GRM3: variants seen among roughly 807,000 people sequenced by gnomAD.
GRM3 encodes glutamate metabotropic receptor 3.
A neutral mutation model predicts 70.5 loss-of-function variants in GRM3; 26 were observed. The observed-to-expected ratio is 0.37, with a 90% CI of 0.27 to 0.51. The LOEUF (loss-of-function observed/expected upper bound fraction) is 0.51. Among genes scored for constraint, GRM3 ranks in the 20% least tolerant of loss-of-function variants. The probability of loss-of-function intolerance (pLI) is 0.93; values close to 1 mark genes in which losing one functional copy is unlikely to be tolerated. For missense variants in GRM3, 859 were observed against 1,123.8 expected (o/e 0.76, Z 3.37); for synonymous variants, 443 against 434.9 (o/e 1.02, Z -0.23).
intron 1 of GRM3, among the ~76,000 whole-genome samples, chr7:86,711,444 T>G (rs997541867): frequency 6.6e-6 from 1 of 152,122 alleles, no homozygotes; most frequent in Non-Finnish European, 1.5e-5. Flanking sequence ...CTAAGCACTT[T>G]TCTACCATTT....
chr7:86,817,541 G>A lies in GRM3; in HGVS notation c.1325-21298G>A, dbSNP rs562159167. Among the ~76,000 whole-genome samples, 15 of 151,930 alleles carry A rather than the reference G, an allele frequency of 9.9e-5. No homozygotes were observed. The South Asian group carries it at 3.1e-3, about 32-fold the overall frequency. ...TGAATGCTATTCAATGAGCTGTTTA[G>A]GGCTAGCTTTTGATCATTTTTCATG... is the stretch of plus-strand genomic sequence containing the variant. On this transcript the variant is annotated intron_variant, in intron 3 of 5. Transcript: ENST00000361669.
rs1334933399 is a variant in GRM3 at position 86,765,432 on chromosome 7, T to TG, written c.289dup (p.Asp97GlyfsTer26). On this transcript the variant is annotated frameshift_variant, in exon 2 of 6. Transcript: ENST00000361669. LOFTEE classifies it high-confidence loss of function. ...GGAGTGAAGTTGGGTGTTCACATTT[T>TG]GGATACATGTTCAAGGGATACCTAT... 1 of 1,613,968 alleles carries TG rather than the reference T, an allele frequency of 6.2e-7. No individual in the cohort carries two copies. The highest frequency in any genetic ancestry group is 8.5e-7 in the Non-Finnish European group (1 of 1,179,890).
At chr7:86,679,648 G>A (rs1048671235) in intron 1 of GRM3, among the ~76,000 whole-genome samples, 9 of 151,890 alleles carry the variant, frequency 5.9e-5, no homozygotes, top group Admixed American at 1.3e-4. Context: ...GGCATCTGCC[G>A]CCCACAACCC....
intron 1 of GRM3, among the ~76,000 whole-genome samples, chr7:86,722,828 A>G (rs1466488028): frequency 6.6e-6 from 1 of 152,158 alleles, no homozygotes; most frequent in Non-Finnish European, 1.5e-5. Flanking sequence ...TTTACGTTGT[A>G]AGAATTCCAT....
intron 1 of GRM3, among the ~76,000 whole-genome samples, chr7:86,691,806 G>A (rs535841913): frequency 3.1e-4 from 47 of 152,192 alleles, no homozygotes; most frequent in African/African-American, 1.1e-3. Context: ...GTCAGATGCT[G>A]GCACCTTGAT....
rs535021331 is a variant in GRM3 at position 86,739,044 on chromosome 7, C to G, written c.-140-25962C>G. ...CCAGGCTGGAGTGCAGTGGTGCCATCTTGGCTCCCTGCAACCTCTGCCTCC... is the reference window on the plus strand; with the variant it reads ...CCAGGCTGGAGTGCAGTGGTGCCATGTTGGCTCCCTGCAACCTCTGCCTCC... On this transcript the variant is annotated intron_variant, in intron 1 of 5. Coordinates refer to ENST00000361669, the MANE Select transcript of GRM3 (RefSeq NM_000840.3). Among the ~76,000 whole-genome samples the G allele has an allele frequency of 2.0e-5, 3 of 152,218 alleles. No homozygotes were observed. In the East Asian group the frequency reaches 5.8e-4, roughly 29 times the overall value.
intron 3 of GRM3, among the ~76,000 whole-genome samples, chr7:86,810,307 A>G (rs1357594709): frequency 6.6e-6 from 1 of 152,050 alleles, no homozygotes; most frequent in African/African-American, 2.4e-5. Context: ...CATCCTTAAT[A>G]TTTAGGAACA....
intron 4 of GRM3, among the ~76,000 whole-genome samples, chr7:86,849,047 T>C (rs1295303278): frequency 6.6e-6 from 1 of 152,130 alleles, no homozygotes; most frequent in Non-Finnish European, 1.5e-5. Flanking sequence ...CAGAAATGCT[T>C]TTAGAAAAGG....
chr7:86,840,835 A>G (rs1733859205), intron 4 of GRM3, among the ~76,000 whole-genome samples: 1 of 152,180 alleles, frequency 6.6e-6, no homozygotes. Flanking sequence ...CATCAGTTGT[A>G]AAAATCCTCA....
At chr7:86,717,428 C>G (rs1343269722) in intron 1 of GRM3, among the ~76,000 whole-genome samples, 1 of 151,988 alleles carries the variant, frequency 6.6e-6, no homozygotes, top group Non-Finnish European at 1.5e-5. Context: ...GAATGATAAT[C>G]AGCAAGTGGC....
intron 3 of GRM3, among the ~76,000 whole-genome samples, chr7:86,820,412 G>A (rs1798096594): frequency 6.6e-6 from 1 of 152,094 alleles, no homozygotes; most frequent in Non-Finnish European, 1.5e-5. Context: ...TTTTTAAAGA[G>A]ATAATAGAAC....
intron 2 of GRM3, among the ~76,000 whole-genome samples, chr7:86,774,107 A>G (rs573574453): frequency 1.3e-5 from 2 of 152,112 alleles, no homozygotes; most frequent in Admixed American, 6.6e-5. Context: ...GATTAAACCT[A>G]TGATATTTTG....
intron 1 of GRM3, among the ~76,000 whole-genome samples, chr7:86,758,847 C>T (rs889535133): frequency 1.3e-5 from 2 of 152,034 alleles, no homozygotes; most frequent in African/African-American, 2.4e-5. Flanking sequence ...TTCTTTTGGC[C>T]TCATCACCAT....
intron 1 of GRM3, among the ~76,000 whole-genome samples, chr7:86,761,922 T>A (rs1440179147): frequency 1.3e-5 from 2 of 152,162 alleles, no homozygotes; most frequent in African/African-American, 2.4e-5. Flanking sequence ...TTCTATAGAC[T>A]ATAAGGTAAT....
chr7:86,819,755 A>G (rs1798083067), intron 3 of GRM3, among the ~76,000 whole-genome samples: 1 of 152,140 alleles, frequency 6.6e-6, no homozygotes, highest in Admixed American at 6.5e-5. Context: ...TTCTCCTTCA[A>G]AACTTGTCCT....
At chr7:86,849,144 G>A (rs1227514988) in intron 4 of GRM3, among the ~76,000 whole-genome samples, 1 of 152,130 alleles carries the variant, frequency 6.6e-6, no homozygotes, top group Admixed American at 6.6e-5. Context: ...TCATAGGCAG[G>A]AACTGAGGCA....
At chr7:86,767,969 T>C (rs1796648279) in intron 2 of GRM3, among the ~76,000 whole-genome samples, 1 of 152,118 alleles carries the variant, frequency 6.6e-6, no homozygotes. Context: ...TTAGGTTTTT[T>C]TCATTTATCT....
chr7:86,825,800 T>C (rs1003181644), intron 3 of GRM3, among the ~76,000 whole-genome samples: 2 of 152,226 alleles, frequency 1.3e-5, no homozygotes, highest in Non-Finnish European at 2.9e-5. Flanking sequence ...GTGATTGCAT[T>C]CTTCAGAATA....
intron 3 of GRM3, among the ~76,000 whole-genome samples, chr7:86,807,280 A>G (rs1419403084): frequency 1.4e-5 from 1 of 68,982 alleles, no homozygotes; most frequent in Admixed American, 1.1e-4. Context: ...AATTCTGTGA[A>G]GAAAGTCATT....
Sources: gnomAD v4.1 joint callset for allele counts (sites outside exome capture counted in the v4.1 genomes callset) on GRCh38, gnomAD v4.1.1 for gene constraint, MANE v1.5 for transcripts, NCBI Gene and HGNC (gene_info 2026-07-23, HGNC 2026-07-21) for gene names.